THSD4: variants seen among roughly 807,000 people sequenced by gnomAD.
The protein encoded by THSD4 is thrombospondin type 1 domain containing 4.
A neutral mutation model predicts 119.0 loss-of-function variants in THSD4; 69 were observed. The ratio of observed to expected loss-of-function variants is 0.58; its 90% CI spans 0.48 to 0.71. The LOEUF is 0.71. Among genes scored for constraint, THSD4 ranks in the 30% least tolerant of loss-of-function variants. The pLI is 0.00. For missense variants in THSD4, 1,393 were observed against 1,391.1 expected, an observed-to-expected ratio of 1.00 and a Z score of -0.02; for synonymous variants, 524 against 540.4, an observed-to-expected ratio of 0.97 and a Z score of 0.42.
At chr15:71,617,380 G>A (rs1501426) in intron 7 of THSD4, among the ~76,000 whole-genome samples, 28,904 of 152,000 alleles carry the variant, frequency 0.19, 3,096 homozygotes, top group Non-Finnish European at 0.24. Context: ...TTCTGTTTTT[G>A]TCAGTCATTT....
chr15:71,382,495 C>A (rs763866928), intron 6 of THSD4, among the ~76,000 whole-genome samples: 9 of 152,130 alleles, frequency 5.9e-5, no homozygotes, highest in Non-Finnish European at 1.0e-4. Context: ...TACATCTTAT[C>A]CATTTAGTTT....
At chr15:71,276,632 C>T (rs1040187881) in intron 6 of THSD4, among the ~76,000 whole-genome samples, 1 of 152,134 alleles carries the variant, frequency 6.6e-6, no homozygotes, top group Admixed American at 6.6e-5. Flanking sequence ...ATTAATCCTG[C>T]TAGTTGCTCG....
intron 7 of THSD4, among the ~76,000 whole-genome samples, chr15:71,536,350 C>T (rs749039469): frequency 2.6e-5 from 4 of 152,206 alleles, no homozygotes; most frequent in Non-Finnish European, 4.4e-5. Flanking sequence ...CCTTTCACAA[C>T]CTTCCCTCCT....
chr15:71,502,069 ACT>A (rs1194898021), intron 7 of THSD4, among the ~76,000 whole-genome samples: 4 of 152,264 alleles, frequency 2.6e-5, no homozygotes, highest in Non-Finnish European at 5.9e-5. Flanking sequence ...AATCCACAAT[ACT>A]GATCTCATAG....
chr15:71,287,813 C>A lies in THSD4; in HGVS notation c.1015+31098C>A, dbSNP rs150988130. Among the ~76,000 whole-genome samples, 121 of 152,274 alleles carry A rather than the reference C, an allele frequency of 7.9e-4. 1 individual carries two copies. Among genetic ancestry groups the A allele is most frequent in the African/African-American group, 2.8e-3 (116 of 41,552 alleles). On this transcript the variant is annotated intron_variant, in intron 6 of 17. Coordinates refer to ENST00000261862, the MANE Select transcript of THSD4 (RefSeq NM_024817.3). ...TGTTCTGAGCTGGTAGAGTTGGGTG[C>A]AGCTCTTCTTGGATTGATAAACCAT...
chr15:71,122,636 C>T (rs4777330), intron 1 of THSD4, among the ~76,000 whole-genome samples: 128,215 of 152,186 alleles, frequency 0.84, 56,250 homozygotes, highest in East Asian at 1. Context: ...TTTCAACTAA[C>T]AGGATTTTGT....
At chr15:71,648,258 T>A (rs991591662) in intron 7 of THSD4, among the ~76,000 whole-genome samples, 1 of 152,116 alleles carries the variant, frequency 6.6e-6, no homozygotes, top group African/African-American at 2.4e-5. Flanking sequence ...TGGTGAGTGG[T>A]CCAGCCGTAA....
chr15:71,133,965 CA>C, intron 1 of THSD4, among the ~76,000 whole-genome samples: 1 of 152,304 alleles, frequency 6.6e-6, no homozygotes, highest in South Asian at 2.1e-4. Flanking sequence ...TAATGAGTAA[CA>C]AAACCCACTG....
intron 7 of THSD4, among the ~76,000 whole-genome samples, chr15:71,599,639 C>T (rs1425670675): frequency 1.3e-5 from 2 of 152,136 alleles, no homozygotes; most frequent in African/African-American, 4.8e-5. Flanking sequence ...GGTATGTGCT[C>T]CCCTGGCAAG....
At chr15:71,225,488 T>C (rs887988610) in intron 4 of THSD4, among the ~76,000 whole-genome samples, 15 of 151,914 alleles carry the variant, frequency 9.9e-5, no homozygotes, top group African/African-American at 3.4e-4. Flanking sequence ...CCCAGAGTAA[T>C]GAGAAGAGAA....
At chr15:71,649,047 A>G (rs958839852) in intron 7 of THSD4, among the ~76,000 whole-genome samples, 1 of 152,220 alleles carries the variant, frequency 6.6e-6, no homozygotes, top group Non-Finnish European at 1.5e-5. Context: ...CGTTTTGAAC[A>G]TATGGAACGT....
chr15:71,630,966 C>G (rs1280752282), intron 7 of THSD4, among the ~76,000 whole-genome samples: 1 of 152,198 alleles, frequency 6.6e-6, no homozygotes, highest in East Asian at 1.9e-4. Flanking sequence ...TGTGGCCTCT[C>G]CCCACCAGAT....
At position 71,416,513 on chromosome 15, in the gene THSD4, G is replaced by C. The variant is rs1276415027; in HGVS notation, c.1152+4690G>C. ...ATCATTTGTTATTGCCTCACTTTTAGTAAGTTATTCACTCATATTAGAACT... is the reference window on the plus strand; with the variant it reads ...ATCATTTGTTATTGCCTCACTTTTACTAAGTTATTCACTCATATTAGAACT... On this transcript the variant is annotated intron_variant, in intron 7 of 17. Coordinates refer to ENST00000261862, the MANE Select transcript of THSD4 (RefSeq NM_024817.3). Among the ~76,000 whole-genome samples, 4 of 107,230 alleles carry C rather than the reference G, an allele frequency of 3.7e-5. 2 individuals carry two copies. The highest frequency in any genetic ancestry group is 2.4e-4 in the Admixed American group (2 of 8,318). 70.3% of individuals were successfully genotyped at this position (107,230 alleles called of 152,430 possible). A position where few individuals can be genotyped will look rare whatever the true frequency, so the allele number is the denominator to read the frequency against.
intron 2 of THSD4, among the ~76,000 whole-genome samples, chr15:71,149,048 T>G (rs940134126): frequency 1.3e-5 from 2 of 151,532 alleles, no homozygotes; most frequent in Admixed American, 6.6e-5. Context: ...ACTTTTTTTT[T>G]TTTTTTTTGA....
intron 7 of THSD4, among the ~76,000 whole-genome samples, chr15:71,590,592 G>C (rs943349345): frequency 2.2e-5 from 2 of 90,144 alleles, no homozygotes; most frequent in African/African-American, 3.2e-5. Context: ...AGGAAGAATA[G>C]CTAATGGATG....
chr15:71,455,992 C>T (rs2047334061), intron 7 of THSD4, among the ~76,000 whole-genome samples: 1 of 152,172 alleles, frequency 6.6e-6, no homozygotes, highest in Admixed American at 6.5e-5. Context: ...CCTTGTTTGA[C>T]CCACTGACCT....
chr15:71,195,852 A>T (rs2043714865), intron 3 of THSD4, among the ~76,000 whole-genome samples: 1 of 152,172 alleles, frequency 6.6e-6, no homozygotes, highest in South Asian at 2.1e-4. Flanking sequence ...GTACAATGTG[A>T]TATCTGTCAT....
intron 7 of THSD4, among the ~76,000 whole-genome samples, chr15:71,521,708 G>GTTT (rs142512275): frequency 6.6e-6 from 1 of 151,748 alleles, no homozygotes; most frequent in African/African-American, 2.4e-5. Flanking sequence ...TCAGTTTGGG[G>GTTT]TTTTTTTTGA....
chr15:71,161,869 G>A (rs2043252884), intron 3 of THSD4, among the ~76,000 whole-genome samples: 1 of 151,702 alleles, frequency 6.6e-6, no homozygotes, highest in Non-Finnish European at 1.5e-5. Context: ...GTGGTGTTAA[G>A]CTTTGTTTCT....
Sources: allele counts gnomAD v4.1 joint callset (sites outside exome capture counted in the v4.1 genomes callset), GRCh38; gene constraint gnomAD v4.1.1; transcripts MANE v1.5; gene names NCBI Gene and HGNC (gene_info 2026-07-23, HGNC 2026-07-21).